ACBD5: variants seen among roughly 807,000 people sequenced by gnomAD.
The protein encoded by ACBD5 is acyl-CoA-binding domain-containing protein 5.
ACBD5 carries 40 observed loss-of-function variants against 71.8 expected under a neutral mutation model. The observed-to-expected ratio is 0.56, with a 90% CI of 0.43 to 0.72. The LOEUF is 0.72. ACBD5 is among the 30% of genes least tolerant of loss of function. The pLI is 0.00. For missense variants in ACBD5, 559 were observed against 644.5 expected (o/e 0.87, Z 1.44); for synonymous variants, 229 against 218.6 (o/e 1.05, Z -0.42).
chr10:27,226,097 T>C (rs553138539), intron 4 of ACBD5, among the ~76,000 whole-genome samples: 1 of 152,296 alleles, frequency 6.6e-6, no homozygotes, highest in South Asian at 2.1e-4. Context: ...GTTAATATAG[T>C]GAAGACACAG....
intron 12 of ACBD5, among the ~76,000 whole-genome samples, chr10:27,204,107 C>A (rs981330294): frequency 2.1e-5 from 3 of 141,352 alleles, no homozygotes; most frequent in Admixed American, 7.6e-5. Context: ...CCACTGCCCT[C>A]CAGCCTGGGC....
rs544905257 is a variant in ACBD5 at position 27,208,180 on chromosome 10, C to G, written c.1404+66G>C. On this transcript the variant is annotated intron_variant, in intron 10 of 12. Coordinates refer to ENST00000396271, the MANE Select transcript of ACBD5 (RefSeq NM_145698.5). ...CATTAATTTATGTCAATATGATCAA[C>G]GCAGACTCCACATTGCTTTCCAGAA... 2.0e-6 allele frequency: 3 copies of G among 1,474,950 alleles called. No homozygotes were observed. The Admixed American group carries it at 5.0e-5, about 25-fold the overall frequency. The allele number at this position is 1,474,950 out of a possible 1,614,324, so 91.4% of individuals were successfully genotyped here.
intron 8 of ACBD5, 133 bp downstream of exon 8, chr10:27,215,402 C>T (rs1389722549): frequency 9.2e-6 from 6 of 653,654 alleles, no homozygotes; most frequent in African/African-American, 5.5e-5. Flanking sequence ...GTTTAAAATA[C>T]AAATGTTTAA....
intron 10 of ACBD5, among the ~76,000 whole-genome samples, chr10:27,206,918 C>T (rs898730044): frequency 2.6e-5 from 4 of 152,018 alleles, no homozygotes; most frequent in Non-Finnish European, 5.9e-5. Context: ...GACAAATGTG[C>T]ATAGTATTTT....
chr10:27,219,566 G>A (rs1034643753), intron 6 of ACBD5, among the ~76,000 whole-genome samples, 157 bp downstream of exon 6: 1 of 152,154 alleles, frequency 6.6e-6, no homozygotes, highest in African/African-American at 2.4e-5. Context: ...ATACTATGTA[G>A]TAGAGCCTTT....
At chr10:27,184,417 G>A (rs2058518019) in intron 13 of ACBD5, among the ~76,000 whole-genome samples, 1 of 151,952 alleles carries the variant, frequency 6.6e-6, no homozygotes, top group Admixed American at 6.6e-5. Flanking sequence ...ACACACACAC[G>A]TTTCAACTTC....
At chr10:27,223,249 G>A (rs2062580875) in intron 5 of ACBD5, 89 bp downstream of exon 5, 1 of 976,736 alleles carries the variant, frequency 1.0e-6, no homozygotes, top group Admixed American at 1.8e-5. Flanking sequence ...ACTGGCGCGT[G>A]AAAGTAAGAA....
In ACBD5 at chr10:27,228,811, A is replaced by T. The variant is rs867310320; in HGVS notation, c.375+2937T>A. ...TATGTTTATATATATATATATATAT[A>T]TATATTTTTTTTTTTTTTTTTTTTT... On this transcript the variant is annotated intron_variant, in intron 4 of 12. Transcript: ENST00000396271. 9.7e-3 allele frequency among the ~76,000 whole-genome samples: 154 copies of T among 15,850 alleles called. 1 individual carries two copies. The highest frequency in any genetic ancestry group is 0.013 in the African/African-American group (120 of 9,032). 10.4% of individuals were successfully genotyped at this position (15,850 alleles called of 152,430 possible). A position where few individuals can be genotyped will look rare whatever the true frequency, so the allele number is the denominator to read the frequency against.
chr10:27,237,370 CCAAA>C (rs1291590570), intron 2 of ACBD5, among the ~76,000 whole-genome samples: 2 of 152,018 alleles, frequency 1.3e-5, no homozygotes, highest in East Asian at 3.8e-4. Context: ...TAAGGTCATA[CCAAA>C]CATAGATGTC....
intron 13 of ACBD5, chr10:27,186,512 G>A (rs748005651): frequency 6.2e-7 from 1 of 1,614,012 alleles, no homozygotes; most frequent in Non-Finnish European, 8.5e-7. Flanking sequence ...CTCAGCACCT[G>A]ACTGTATCTG....
chr10:27,216,687 T>C (rs1274505311), intron 7 of ACBD5, among the ~76,000 whole-genome samples: 2 of 152,226 alleles, frequency 1.3e-5, no homozygotes, highest in East Asian at 1.9e-4. Flanking sequence ...ATTTAGTTGA[T>C]AATTTTTATT....
Position 27,195,650 on chromosome 10 carries a change from T to G in ACBD5, c.*1780A>C, listed in dbSNP as rs1036999757. 10 of 422,128 alleles carry G rather than the reference T, an allele frequency of 2.4e-5. No individual in the cohort carries two copies. The East Asian group carries it at 7.0e-4, about 30-fold the overall frequency. 26.1% of individuals were successfully genotyped at this position (422,128 alleles called of 1,614,324 possible). ...CTTGCTTCACTTTTTCCTAAATAAA[T>G]AGGGAACACTTTTTTAAAAGCAAAT... is the stretch of plus-strand genomic sequence containing the variant. On this transcript the variant is annotated 3_prime_UTR_variant, in exon 13 of 13. Coordinates refer to ENST00000396271, the MANE Select transcript of ACBD5 (RefSeq NM_145698.5).
intron 12 of ACBD5, among the ~76,000 whole-genome samples, chr10:27,198,915 C>T (rs1213003290): frequency 6.6e-6 from 1 of 152,038 alleles, no homozygotes; most frequent in Non-Finnish European, 1.5e-5. Flanking sequence ...TCAAGACCAT[C>T]CTGCTAACAC....
At chr10:27,192,061 A>G (rs1259608058), downstream of ACBD5, among the ~76,000 whole-genome samples, 3 of 152,180 alleles carry the variant, frequency 2.0e-5, no homozygotes, top group African/African-American at 4.8e-5. Context: ...GTTTACTTTG[A>G]AAACAAAATC....
At position 27,231,828 on chromosome 10, in the gene ACBD5, T is replaced by G; in HGVS notation, c.303-8A>C. 1 of 1,612,802 alleles carries G rather than the reference T, an allele frequency of 6.2e-7. No homozygotes were observed. The highest frequency in any genetic ancestry group is 8.5e-7 in the Non-Finnish European group (1 of 1,179,264). Reference sequence around the variant, plus strand: ...AGTGAACTCCAAGCATCCCTAGAAATGAAAGTATCCACAAAATGACAAAGA... The same window carrying G: ...AGTGAACTCCAAGCATCCCTAGAAAGGAAAGTATCCACAAAATGACAAAGA... On this transcript the variant is annotated splice_polypyrimidine_tract_variant and splice_region_variant and intron_variant, in intron 3 of 12. Coordinates refer to ENST00000396271, the MANE Select transcript of ACBD5 (RefSeq NM_145698.5).
rs2062637830 is a variant in ACBD5, at chr10:27,223,603, T to C, written c.376-151A>G. ...TGAAGGATCTACATTAATTACATAC[T>C]TAATGTATACACACTGTGGCCGGGC... On this transcript the variant is annotated intron_variant, in intron 4 of 12. Transcript: ENST00000396271. 8.5e-6 allele frequency: 6 copies of C among 703,736 alleles called. No homozygotes were observed. The Admixed American group carries it at 1.3e-4, about 16-fold the overall frequency. 43.6% of individuals were successfully genotyped at this position (703,736 alleles called of 1,614,324 possible). A position where few individuals can be genotyped will look rare whatever the true frequency, so the allele number is the denominator to read the frequency against.
At chr10:27,221,327 C>A (rs1192142682) in intron 5 of ACBD5, among the ~76,000 whole-genome samples, 1 of 152,104 alleles carries the variant, frequency 6.6e-6, no homozygotes, top group East Asian at 1.9e-4. Flanking sequence ...ACTCAAAATA[C>A]CCTCGTTTTA....
chr10:27,223,127 G>A, intron 5 of ACBD5: 1 of 703,958 alleles, frequency 1.4e-6, no homozygotes, highest in Non-Finnish European at 2.6e-6. Context: ...TGACAAGATT[G>A]TAAGTTCTGT....
At chr10:27,191,321 G>C (rs1688823106), downstream of ACBD5, among the ~76,000 whole-genome samples, 2 of 152,208 alleles carry the variant, frequency 1.3e-5, no homozygotes, top group African/African-American at 4.8e-5. Flanking sequence ...ACAAGGTGGA[G>C]CACAGAGGAT....
Sources: allele counts gnomAD v4.1 joint callset (sites outside exome capture counted in the v4.1 genomes callset), GRCh38; gene constraint gnomAD v4.1.1; transcripts MANE v1.5; gene names NCBI Gene and HGNC (gene_info 2026-07-23, HGNC 2026-07-21).